Variants in GPC5 observed in about 807,000 individuals in gnomAD.
GPC5 encodes the protein glypican 5.
GPC5 carries 47 observed loss-of-function variants against 53.9 expected under a neutral mutation model. The observed-to-expected ratio is 0.87, with a 90% CI of 0.69 to 1.11. The LOEUF (loss-of-function observed/expected upper bound fraction) is 1.11. Ranked by LOEUF, GPC5 falls within the 50% of genes most tolerant of loss-of-function variation. The probability of loss-of-function intolerance (pLI) is 0.00; values close to 1 mark genes in which losing one functional copy is unlikely to be tolerated. For synonymous variants in GPC5, 286 were observed against 263.3 expected, an observed-to-expected ratio of 1.09 and a Z score of -0.84; for missense variants, 748 against 713.1, an observed-to-expected ratio of 1.05 and a Z score of -0.56.
At chr13:91,546,831 A>G (rs958198525) in intron 2 of GPC5, among the ~76,000 whole-genome samples, 5 of 152,134 alleles carry the variant, frequency 3.3e-5, no homozygotes, top group Non-Finnish European at 7.4e-5. Context: ...TTTAAAAAAG[A>G]TCACCTTGCT....
intron 2 of GPC5, chr13:91,486,097 A>G (rs1883594006): frequency 6.6e-6 from 1 of 152,242 alleles, no homozygotes; most frequent in Non-Finnish European, 1.5e-5. Flanking sequence ...AAAGTTCCAA[A>G]AACTGTAAGT....
intron 7 of GPC5, among the ~76,000 whole-genome samples, chr13:92,635,197 A>C (rs1490415417): frequency 6.6e-6 from 1 of 152,164 alleles, no homozygotes; most frequent in Non-Finnish European, 1.5e-5. Flanking sequence ...ACTTATCTTT[A>C]AATGAGGTAG....
intron 7 of GPC5, among the ~76,000 whole-genome samples, chr13:92,356,998 A>G (rs974310510): frequency 1.3e-5 from 2 of 148,162 alleles, no homozygotes; most frequent in Non-Finnish European, 2.9e-5. Context: ...TTAGTTTGTT[A>G]TGGATGATGG....
intron 7 of GPC5, among the ~76,000 whole-genome samples, chr13:92,645,853 A>AT (rs143264645): frequency 0.25 from 37,878 of 151,592 alleles, 5,185 homozygotes; most frequent in South Asian, 0.39. Flanking sequence ...TATTTTACCT[A>AT]ATTTTTTTAA....
chr13:92,191,170 A>C (rs1035949737), intron 7 of GPC5, among the ~76,000 whole-genome samples: 4 of 152,138 alleles, frequency 2.6e-5, no homozygotes, highest in Admixed American at 6.5e-5. Flanking sequence ...AGATATAGCA[A>C]TCCTTCATGT....
chr13:92,049,180 A>G lies in GPC5; in HGVS notation c.1402-95650A>G, dbSNP rs143794453. 8.1e-3 allele frequency among the ~76,000 whole-genome samples: 1,226 copies of G among 152,290 alleles called. 17 individuals carry two copies. Among genetic ancestry groups the G allele is most frequent in the African/African-American group, 0.027 (1,143 of 41,574 alleles). On this transcript the variant is annotated intron_variant, in intron 6 of 7. Coordinates refer to ENST00000377067, the MANE Select transcript of GPC5 (RefSeq NM_004466.6). Reference sequence around the variant, plus strand: ...AACATTGATTTTCACCTAACTTGACAGAGTATAATTGGGATAATCTGATCA... The same window carrying G: ...AACATTGATTTTCACCTAACTTGACGGAGTATAATTGGGATAATCTGATCA...
chr13:92,575,354 C>T (rs1883157513), intron 7 of GPC5, among the ~76,000 whole-genome samples: 1 of 152,152 alleles, frequency 6.6e-6, no homozygotes. Flanking sequence ...AACACAGACA[C>T]ATTGGGGAAA....
At chr13:91,569,885 A>G (rs1055405979) in intron 2 of GPC5, among the ~76,000 whole-genome samples, 1 of 152,044 alleles carries the variant, frequency 6.6e-6, no homozygotes, top group Non-Finnish European at 1.5e-5. Context: ...TTGATCTTGA[A>G]CTTCCCCGCC....
intron 1 of GPC5, among the ~76,000 whole-genome samples, chr13:91,407,632 G>A (rs189321079): frequency 1.9e-4 from 29 of 152,244 alleles, no homozygotes; most frequent in Non-Finnish European, 3.5e-4. Flanking sequence ...AAATAATTCA[G>A]CTTTTCTGTG....
At chr13:91,499,239 G>T (rs542986345) in intron 2 of GPC5, among the ~76,000 whole-genome samples, 4 of 152,108 alleles carry the variant, frequency 2.6e-5, no homozygotes, top group African/African-American at 7.2e-5. Flanking sequence ...TTGGGTATAA[G>T]GAGTTCAGGT....
Position 92,322,542 on chromosome 13 carries a change from A to G in GPC5, c.1561+177553A>G, listed in dbSNP as rs117164720. Among the ~76,000 whole-genome samples, 292 of 152,314 alleles carry G rather than the reference A, an allele frequency of 1.9e-3. 6 individuals are homozygous for G. The East Asian group carries it at 0.05, about 26-fold the overall frequency. On this transcript the variant is annotated intron_variant, in intron 7 of 7. Transcript: ENST00000377067. ...GGCTCATATGTTTTGTTATTGCTTA[A>G]TGCAGTCTCACTAGCTAGATTGCAT...
chr13:92,522,511 T>C (rs1392057320), intron 7 of GPC5, among the ~76,000 whole-genome samples: 3 of 151,800 alleles, frequency 2.0e-5, no homozygotes, highest in Admixed American at 2.0e-4. Context: ...AGCAAACTAT[T>C]GCAAGAACAA....
chr13:92,177,806 C>T (rs919701193), intron 7 of GPC5, among the ~76,000 whole-genome samples: 1 of 152,184 alleles, frequency 6.6e-6, no homozygotes, highest in African/African-American at 2.4e-5. Context: ...ATCCACAGTA[C>T]TATTTAGTTT....
chr13:91,654,777 T>C (rs1342167526), intron 2 of GPC5, among the ~76,000 whole-genome samples: 1 of 152,184 alleles, frequency 6.6e-6, no homozygotes, highest in East Asian at 1.9e-4. Context: ...ATTGCTTGGG[T>C]GTTTTTACCC....
chr13:92,754,429 C>T (rs1417030389), intron 7 of GPC5, among the ~76,000 whole-genome samples: 2 of 151,898 alleles, frequency 1.3e-5, no homozygotes, highest in Non-Finnish European at 1.5e-5. Context: ...AACTAATGAG[C>T]GAAATCACCA....
At chr13:92,575,571 G>A (rs1338521020) in intron 7 of GPC5, among the ~76,000 whole-genome samples, 2 of 152,090 alleles carry the variant, frequency 1.3e-5, no homozygotes, top group African/African-American at 4.8e-5. Context: ...GTCACCAAGT[G>A]TGCAGTAATT....
chr13:92,802,777 A>G (rs1407192761), intron 7 of GPC5, among the ~76,000 whole-genome samples: 2 of 152,008 alleles, frequency 1.3e-5, no homozygotes, highest in Admixed American at 1.3e-4. Context: ...GAAGGGGAAC[A>G]TCACACACCA....
chr13:92,775,417 C>T (rs982346299), intron 7 of GPC5, among the ~76,000 whole-genome samples: 10 of 152,168 alleles, frequency 6.6e-5, no homozygotes, highest in African/African-American at 1.9e-4. Flanking sequence ...ATATGCCAGT[C>T]ATGAGTCAAT....
chr13:92,217,534 G>A (rs780803752), intron 7 of GPC5, among the ~76,000 whole-genome samples: 11 of 152,140 alleles, frequency 7.2e-5, no homozygotes, highest in Non-Finnish European at 1.5e-4. Flanking sequence ...TCTATCTGCT[G>A]ATAGTCCCAT....
Sources: allele counts gnomAD v4.1 joint callset (sites outside exome capture counted in the v4.1 genomes callset), GRCh38; gene constraint gnomAD v4.1.1; transcripts MANE v1.5; gene names NCBI Gene and HGNC (gene_info 2026-07-23, HGNC 2026-07-21).